Variants in EBF2 observed in about 807,000 individuals in gnomAD.
The protein encoded by EBF2 is transcription factor COE2.
In EBF2, 21 loss-of-function variants were observed where a neutral mutation model predicts 72.8. The observed-to-expected ratio is 0.29, with a 90% CI of 0.20 to 0.42. EBF2 has a LOEUF of 0.42. Ranked by LOEUF, EBF2 falls within the 10% of genes least tolerant of loss-of-function variation. The pLI is 1.00. For synonymous variants in EBF2, 299 were observed against 274.2 expected (o/e 1.09, Z -0.89); for missense variants, 637 against 731.2 (o/e 0.87, Z 1.49).
intron 6 of EBF2, among the ~76,000 whole-genome samples, chr8:25,955,619 A>G (rs557472738): frequency 6.6e-6 from 1 of 152,260 alleles, no homozygotes; most frequent in Non-Finnish European, 1.5e-5. Context: ...TAGCTTATTG[A>G]TGTCTTTAAA....
intron 15 of EBF2, among the ~76,000 whole-genome samples, chr8:25,846,229 T>A (rs1030188406): frequency 7.1e-6 from 1 of 141,210 alleles, no homozygotes; most frequent in Non-Finnish European, 1.6e-5. Context: ...TAGGAGGTTT[T>A]TTTATTTTAT....
chr8:25,844,591 T>C lies in EBF2; in HGVS notation c.*18A>G, dbSNP rs976926830. The C allele has an allele frequency of 6.2e-6, 10 of 1,613,792 alleles. No individual in the cohort carries two copies. Among genetic ancestry groups the C allele is most frequent in the Non-Finnish European group, 8.5e-6 (10 of 1,179,838 alleles). ...CATCAGAGTAAGTAGTTTTGTGCTA[T>C]AAGAAAGCAGTTCTTCTTTACATCG... On this transcript the variant is annotated 3_prime_UTR_variant, in exon 16 of 16. Transcript: ENST00000520164.
chr8:25,964,217 G>A (rs1585209860), intron 6 of EBF2, among the ~76,000 whole-genome samples: 1 of 149,814 alleles, frequency 6.7e-6, no homozygotes, highest in East Asian at 1.9e-4. Context: ...TAGGAATGAC[G>A]AGAGCTTCGG....
chr8:25,937,307 A>G lies in EBF2; in HGVS notation c.552-28752T>C, dbSNP rs1803596108. On this transcript the variant is annotated intron_variant, in intron 6 of 15. Transcript: ENST00000520164. ...GCACCAACATGTTACCCAAGTCTCT[A>G]CCATCCAAAAATGTCCCCGACACCC... is the stretch of plus-strand genomic sequence containing the variant. Among the ~76,000 whole-genome samples, 2 of 152,284 alleles carry G rather than the reference A, an allele frequency of 1.3e-5. 1 individual carries two copies. Among genetic ancestry groups the G allele is most frequent in the Admixed American group, 1.3e-4 (2 of 15,286 alleles).
At chr8:25,956,897 A>C (rs1292861993) in intron 6 of EBF2, among the ~76,000 whole-genome samples, 1 of 152,234 alleles carries the variant, frequency 6.6e-6, no homozygotes, top group African/African-American at 2.4e-5. Context: ...ATTGATATAG[A>C]AAACATGACA....
At chr8:25,857,673 A>G (rs1802121924) in intron 14 of EBF2, among the ~76,000 whole-genome samples, 1 of 152,148 alleles carries the variant, frequency 6.6e-6, no homozygotes, top group Non-Finnish European at 1.5e-5. Flanking sequence ...CAGAGCAGGG[A>G]CTTTGCTGCT....
At chr8:25,999,485 G>A (rs1804686658) in intron 6 of EBF2, among the ~76,000 whole-genome samples, 2 of 152,070 alleles carry the variant, frequency 1.3e-5, no homozygotes, top group African/African-American at 2.4e-5. Flanking sequence ...AAGAGAACTT[G>A]CAATTTTTTT....
At chr8:25,914,719 G>T (rs1296975111) in intron 6 of EBF2, among the ~76,000 whole-genome samples, 2 of 152,178 alleles carry the variant, frequency 1.3e-5, no homozygotes, top group African/African-American at 4.8e-5. Context: ...GCTTCTTTAG[G>T]CTTAAACGAA....
intron 10 of EBF2, among the ~76,000 whole-genome samples, chr8:25,881,147 C>T (rs1433588864): frequency 6.6e-6 from 1 of 152,240 alleles, no homozygotes; most frequent in East Asian, 1.9e-4. Context: ...TCCAAGCCAT[C>T]CTCTGCATTG....
At chr8:25,986,907 G>C (rs1407667609) in intron 6 of EBF2, among the ~76,000 whole-genome samples, 1 of 152,194 alleles carries the variant, frequency 6.6e-6, no homozygotes, top group East Asian at 1.9e-4. Context: ...CAAAGGCTCT[G>C]CCAAAGGCAA....
intron 14 of EBF2, among the ~76,000 whole-genome samples, chr8:25,852,672 T>A (rs946895408): frequency 6.6e-6 from 1 of 152,228 alleles, no homozygotes; most frequent in Admixed American, 6.5e-5. Flanking sequence ...CGTGAAGGAA[T>A]TGTTGCAGAG....
intron 6 of EBF2, among the ~76,000 whole-genome samples, chr8:26,003,800 C>A (rs1332924433): frequency 6.6e-6 from 1 of 152,168 alleles, no homozygotes; most frequent in Non-Finnish European, 1.5e-5. Flanking sequence ...CCACCAAATT[C>A]ACACATCCTC....
chr8:25,965,293 T>C (rs1804096841), intron 6 of EBF2, among the ~76,000 whole-genome samples: 1 of 152,182 alleles, frequency 6.6e-6, no homozygotes, highest in African/African-American at 2.4e-5. Flanking sequence ...ATTCAGTCTA[T>C]AACGATTTTG....
intron 6 of EBF2, among the ~76,000 whole-genome samples, chr8:25,943,313 A>C (rs1044681895): frequency 2.8e-5 from 3 of 105,500 alleles, no homozygotes; most frequent in Admixed American, 9.6e-5. Context: ...TCTCTACACA[A>C]AAAAAAAAAA....
At chr8:25,987,412 AC>A (rs1420795500) in intron 6 of EBF2, among the ~76,000 whole-genome samples, 1 of 152,060 alleles carries the variant, frequency 6.6e-6, no homozygotes, top group Non-Finnish European at 1.5e-5. Context: ...ATGGGAGCTG[AC>A]CCCAGGCAGT....
At chr8:26,027,005 T>C (rs923357625) in intron 6 of EBF2, among the ~76,000 whole-genome samples, 1 of 152,230 alleles carries the variant, frequency 6.6e-6, no homozygotes, top group African/African-American at 2.4e-5. Context: ...TTATTGGTTT[T>C]ATCTATCCTT....
rs1342528610 is a variant in EBF2, at chr8:25,858,309, G to A, written c.1528+10C>T. ...AGCATGGAGAGCCAAGTGATGGAGA[G>A]GTCACTTACTTCCATAAGGAGAGCC... is the stretch of plus-strand genomic sequence containing the variant. On this transcript the variant is annotated intron_variant, in intron 14 of 15. Transcript: ENST00000520164. 2 of 1,613,970 alleles carry A rather than the reference G, an allele frequency of 1.2e-6. No individual in the cohort carries two copies. Among genetic ancestry groups the A allele is most frequent in the Admixed American group, 1.7e-5 (1 of 60,022 alleles).
intron 14 of EBF2, among the ~76,000 whole-genome samples, chr8:25,853,908 C>A (rs987000480): frequency 1.3e-5 from 2 of 152,006 alleles, no homozygotes; most frequent in Non-Finnish European, 2.9e-5. Flanking sequence ...TAGCAAAACT[C>A]TAGAAGGATG....
At position 25,860,588 on chromosome 8, in the gene EBF2, G is replaced by A. The variant is rs555546869; in HGVS notation, c.1342+461C>T. On this transcript the variant is annotated intron_variant, in intron 13 of 15. Coordinates refer to ENST00000520164, the MANE Select transcript of EBF2 (RefSeq NM_022659.4). Reference sequence around the variant, plus strand: ...CTCGGCTCATTTGCAGTGTGCCAGCGCACCCCACTGCTCACTGCAGCCTCG... The same window carrying A: ...CTCGGCTCATTTGCAGTGTGCCAGCACACCCCACTGCTCACTGCAGCCTCG... 5.3e-5 allele frequency among the ~76,000 whole-genome samples: 8 copies of A among 151,138 alleles called. No homozygotes were observed. The East Asian group carries it at 7.8e-4, about 15-fold the overall frequency.
Sources: allele counts gnomAD v4.1 joint callset (sites outside exome capture counted in the v4.1 genomes callset), GRCh38; gene constraint gnomAD v4.1.1; transcripts MANE v1.5; gene names NCBI Gene and HGNC (gene_info 2026-07-23, HGNC 2026-07-21).